Variants in KCNH8 observed in about 807,000 individuals in gnomAD.
KCNH8 encodes the protein potassium voltage-gated channel subfamily H member 8.
Under a neutral mutation model 103.6 loss-of-function variants are expected in KCNH8, and 70 were observed. The ratio of observed to expected loss-of-function variants is 0.68; its 90% confidence interval spans 0.56 to 0.82. KCNH8 has a LOEUF of 0.82. Among genes scored for constraint, KCNH8 ranks in the 40% least tolerant of loss-of-function variants. KCNH8 has a pLI of 0.00. For synonymous variants in KCNH8, 498 were observed against 489.4 expected (o/e 1.02, Z -0.23); for missense variants, 1,217 against 1,329.9 (o/e 0.92, Z 1.32).
chr3:19,503,979 T>C (rs2068643693), intron 11 of KCNH8, among the ~76,000 whole-genome samples: 1 of 151,922 alleles, frequency 6.6e-6, no homozygotes, highest in South Asian at 2.1e-4. Context: ...GCTGGGATAC[T>C]GTACAAAAAG....
At chr3:19,192,363 T>C (rs1472220329) in intron 1 of KCNH8, among the ~76,000 whole-genome samples, 1 of 151,698 alleles carries the variant, frequency 6.6e-6, no homozygotes, top group Admixed American at 6.6e-5. Context: ...AAGAGTCAGC[T>C]ACTCTCACTG....
intron 1 of KCNH8, among the ~76,000 whole-genome samples, chr3:19,218,510 C>G (rs1332749650): frequency 1.3e-5 from 2 of 152,186 alleles, no homozygotes; most frequent in Non-Finnish European, 2.9e-5. Context: ...TTAGTCAGAT[C>G]ATATCACTCC....
intron 7 of KCNH8, among the ~76,000 whole-genome samples, chr3:19,430,904 TA>T (rs2067111384): frequency 6.6e-6 from 1 of 152,208 alleles, no homozygotes; most frequent in Non-Finnish European, 1.5e-5. Context: ...TGGGGTTTTC[TA>T]GATATAGAAT....
At chr3:19,207,714 G>C (rs1000708205) in intron 1 of KCNH8, among the ~76,000 whole-genome samples, 4 of 151,926 alleles carry the variant, frequency 2.6e-5, no homozygotes, top group African/African-American at 9.7e-5. Flanking sequence ...TTAAGCCAGT[G>C]ACAAAATAAG....
chr3:19,336,205 A>G (rs1295098485), intron 3 of KCNH8, among the ~76,000 whole-genome samples: 2 of 151,706 alleles, frequency 1.3e-5, no homozygotes, highest in Non-Finnish European at 3.0e-5. Flanking sequence ...CATTCATCTG[A>G]TTACATCCAT....
chr3:19,256,286 G>A (rs2064345328), intron 2 of KCNH8, among the ~76,000 whole-genome samples: 2 of 152,150 alleles, frequency 1.3e-5, no homozygotes, highest in Non-Finnish European at 1.5e-5. Context: ...TAGTTATGAA[G>A]TATTGGAGAC....
At chr3:19,281,404 A>G in intron 3 of KCNH8, 75 bp downstream of exon 3, 1 of 1,374,140 alleles carries the variant, frequency 7.3e-7, no homozygotes, top group South Asian at 1.3e-5. Context: ...CTCTTGGAGA[A>G]AAACATGCAT....
At chr3:19,498,577 A>G (rs951435960) in intron 11 of KCNH8, among the ~76,000 whole-genome samples, 1 of 151,698 alleles carries the variant, frequency 6.6e-6, no homozygotes, top group Non-Finnish European at 1.5e-5. Context: ...TCTTCTCTCA[A>G]CTCGTCAAAG....
In KCNH8 at chr3:19,148,525, C is replaced by A; in HGVS notation, c.-195C>A. 3.3e-6 allele frequency: 2 copies of A among 606,608 alleles called. No homozygotes were observed. Among genetic ancestry groups the A allele is most frequent in the Admixed American group, 5.6e-5 (2 of 35,784 alleles). 37.6% of individuals were successfully genotyped at this position (606,608 alleles called of 1,614,324 possible). A position where few individuals can be genotyped will look rare whatever the true frequency, so the allele number is the denominator to read the frequency against. ...CTCGGGGAGCGCTCTTGGGGCTCCT[C>A]CTGCCACAGCCGGGGCGGCTGGAAC... On this transcript the variant is annotated 5_prime_UTR_variant, in exon 1 of 16. Transcript: ENST00000328405.
At chr3:19,483,037 A>ATT (rs146273945) in intron 11 of KCNH8, among the ~76,000 whole-genome samples, 4 of 148,530 alleles carry the variant, frequency 2.7e-5, no homozygotes, top group African/African-American at 4.9e-5. Context: ...TCAGGGGGCT[A>ATT]TTTTTTTTTT....
intron 3 of KCNH8, among the ~76,000 whole-genome samples, chr3:19,289,843 G>A (rs572116342): frequency 5.1e-4 from 77 of 152,214 alleles, no homozygotes; most frequent in African/African-American, 1.9e-3. Flanking sequence ...GGGCAGTATG[G>A]CCATTTTCAC....
intron 3 of KCNH8, among the ~76,000 whole-genome samples, chr3:19,283,968 G>GA (rs1024289441): frequency 7.5e-5 from 11 of 145,910 alleles, no homozygotes; most frequent in African/African-American, 2.3e-4. Flanking sequence ...TAAAGAAAAA[G>GA]AAAAAAAAAT....
At chr3:19,449,486 C>G (rs149020979) in intron 8 of KCNH8, among the ~76,000 whole-genome samples, 1 of 151,938 alleles carries the variant, frequency 6.6e-6, no homozygotes, top group Non-Finnish European at 1.5e-5. Context: ...TCACACTGCT[C>G]AAGAAATCCT....
chr3:19,258,905 TTCTCTCTCTCTCTCTC>T lies in KCNH8; in HGVS notation c.310+5046_310+5061del, dbSNP rs755488116. 2.6e-3 allele frequency among the ~76,000 whole-genome samples: 113 copies of T among 43,064 alleles called. 1 individual carries two copies. Among genetic ancestry groups the T allele is most frequent in the African/African-American group, 3.7e-3 (43 of 11,478 alleles). 28.3% of individuals were successfully genotyped at this position (43,064 alleles called of 152,430 possible). On this transcript the variant is annotated intron_variant, in intron 2 of 15. Transcript: ENST00000328405. ...AAATAACTTCATTTTTATTTTCTGT[TTCTCTCTCTCTCTCTC>T]TCTCTCTCTCTCTCTCTCTCTCTCT...
At chr3:19,353,936 G>A (rs1392607679) in intron 5 of KCNH8, among the ~76,000 whole-genome samples, 1 of 152,184 alleles carries the variant, frequency 6.6e-6, no homozygotes, top group African/African-American at 2.4e-5. Context: ...AAAAGAGAAA[G>A]TCAAATTGTC....
intron 3 of KCNH8, among the ~76,000 whole-genome samples, chr3:19,334,553 C>G (rs2065556282): frequency 6.6e-6 from 1 of 151,828 alleles, no homozygotes; most frequent in African/African-American, 2.4e-5. Context: ...ATTGAATAAA[C>G]TGAGTCACAG....
chr3:19,491,712 G>C (rs541526553), intron 11 of KCNH8, among the ~76,000 whole-genome samples: 4 of 152,296 alleles, frequency 2.6e-5, no homozygotes, highest in African/African-American at 7.2e-5. Flanking sequence ...CCCAGTAATG[G>C]AATTGCTGGG....
chr3:19,465,090 C>T (rs537517073), intron 11 of KCNH8, among the ~76,000 whole-genome samples: 2 of 152,138 alleles, frequency 1.3e-5, no homozygotes, highest in African/African-American at 4.8e-5. Context: ...CTGGAGAAAT[C>T]TTTAGCAATT....
intron 11 of KCNH8, among the ~76,000 whole-genome samples, chr3:19,481,218 AG>A (rs764672552): frequency 2.6e-5 from 4 of 152,154 alleles, no homozygotes; most frequent in Non-Finnish European, 5.9e-5. Flanking sequence ...TTTGTTACAT[AG>A]ATATACTGAC....
Sources: gnomAD v4.1 joint callset for allele counts (sites outside exome capture counted in the v4.1 genomes callset) on GRCh38, gnomAD v4.1.1 for gene constraint, MANE v1.5 for transcripts, NCBI Gene and HGNC (gene_info 2026-07-23, HGNC 2026-07-21) for gene names.